HPGDS: variants seen among roughly 807,000 people sequenced by gnomAD.
HPGDS encodes the protein GST class-sigma.
A neutral mutation model predicts 23.1 loss-of-function variants in HPGDS; 26 were observed. The ratio of observed to expected loss-of-function variants is 1.13; its 90% confidence interval spans 0.83 to 1.56. HPGDS has a LOEUF of 1.56. Among genes scored for constraint, HPGDS ranks in the 40% most tolerant of loss-of-function variants. The pLI, the probability that HPGDS is intolerant of heterozygous loss-of-function variation, is 0.00. For synonymous variants in HPGDS, 95 were observed against 77.9 expected, an observed-to-expected ratio of 1.22 and a Z score of -1.16; for missense variants, 268 against 236.4, an observed-to-expected ratio of 1.13 and a Z score of -0.88.
chr4:94,311,764 G>C (rs1248165112), intron 3 of HPGDS, among the ~76,000 whole-genome samples: 1 of 151,288 alleles, frequency 6.6e-6, no homozygotes, highest in Admixed American at 6.6e-5. Flanking sequence ...AGTCCATCTG[G>C]TCCTGGACTT....
chr4:94,325,347 G>A (rs1181263078), intron 2 of HPGDS, among the ~76,000 whole-genome samples: 1 of 152,214 alleles, frequency 6.6e-6, no homozygotes, highest in Non-Finnish European at 1.5e-5. Context: ...GTCTGCAGAA[G>A]TTTCTGCTGC....
chr4:94,342,061 ATTG>A (rs1333958616), intron 1 of HPGDS, among the ~76,000 whole-genome samples: 1 of 152,208 alleles, frequency 6.6e-6, no homozygotes, highest in Non-Finnish European at 1.5e-5. Context: ...AAATAGAAGA[ATTG>A]TTGTTGACTG....
At chr4:94,323,059 G>A (rs1407410811) in intron 2 of HPGDS, among the ~76,000 whole-genome samples, 1 of 152,190 alleles carries the variant, frequency 6.6e-6, no homozygotes, top group African/African-American at 2.4e-5. Flanking sequence ...CAGTTTCCAT[G>A]TATTTGTGTG....
At chr4:94,341,557 A>G (rs1216452424) in intron 1 of HPGDS, among the ~76,000 whole-genome samples, 1 of 152,254 alleles carries the variant, frequency 6.6e-6, no homozygotes, top group Admixed American at 6.5e-5. Context: ...TGACCATTCT[A>G]CAGTTCAATA....
chr4:94,313,215 G>T (rs1183294245), intron 3 of HPGDS, among the ~76,000 whole-genome samples: 13 of 152,204 alleles, frequency 8.5e-5, no homozygotes, highest in African/African-American at 3.1e-4. Context: ...ATTAGCTGAT[G>T]CAGTTTCTTC....
intron 3 of HPGDS, among the ~76,000 whole-genome samples, chr4:94,316,833 AG>A (rs1249759452): frequency 6.6e-6 from 1 of 152,250 alleles, no homozygotes; most frequent in African/African-American, 2.4e-5. Context: ...GTGAGCATCC[AG>A]GTGACCCTGA....
At chr4:94,328,014 A>G (rs951011965) in intron 2 of HPGDS, among the ~76,000 whole-genome samples, 2 of 152,222 alleles carry the variant, frequency 1.3e-5, no homozygotes, top group Non-Finnish European at 2.9e-5. Flanking sequence ...ATGTTCTCAC[A>G]TGGACTCCAG....
chr4:94,316,714 C>T (rs1208507628), intron 3 of HPGDS, among the ~76,000 whole-genome samples: 1 of 152,222 alleles, frequency 6.6e-6, no homozygotes, highest in African/African-American at 2.4e-5. Context: ...CAGAGATTCT[C>T]AAAGTGAGAT....
At chr4:94,318,625 A>T (rs1756442504) in intron 2 of HPGDS, among the ~76,000 whole-genome samples, 1 of 152,150 alleles carries the variant, frequency 6.6e-6, no homozygotes, top group East Asian at 1.9e-4. Flanking sequence ...AAATTGATTT[A>T]AAAAAATTTA....
chr4:94,319,097 TG>T (rs1156585624), intron 2 of HPGDS, among the ~76,000 whole-genome samples: 1 of 152,188 alleles, frequency 6.6e-6, no homozygotes, highest in Non-Finnish European at 1.5e-5. Flanking sequence ...GTTGGTTTTC[TG>T]GCTAGATTAT....
intron 2 of HPGDS, among the ~76,000 whole-genome samples, chr4:94,323,928 C>T (rs1210480841): frequency 6.6e-6 from 1 of 152,154 alleles, no homozygotes; most frequent in Non-Finnish European, 1.5e-5. Flanking sequence ...TTAGTGCTTC[C>T]TTCAGGAGCT....
At chr4:94,300,809 A>T (rs1250763466) in intron 5 of HPGDS, among the ~76,000 whole-genome samples, 2 of 152,202 alleles carry the variant, frequency 1.3e-5, no homozygotes, top group Non-Finnish European at 2.9e-5. Context: ...CCCAGGCTTA[A>T]ATATAAAAAA....
chr4:94,340,295 TTC>T (rs1560597913), intron 1 of HPGDS, among the ~76,000 whole-genome samples: 6,266 of 78,592 alleles, frequency 0.08, 281 homozygotes, highest in Non-Finnish European at 0.095. Context: ...CTTTCTTTCT[TTC>T]TTTCTTTCTT....
At chr4:94,317,831 T>C (rs780214932) in intron 3 of HPGDS, 42 bp downstream of exon 3, 17 of 1,095,496 alleles carry the variant, frequency 1.6e-5, no homozygotes, top group Non-Finnish European at 2.4e-5. Flanking sequence ...ATCATGTATT[T>C]GTTTCAGTTA....
intron 2 of HPGDS, among the ~76,000 whole-genome samples, chr4:94,319,413 G>A (rs1756459785): frequency 6.6e-6 from 1 of 151,902 alleles, no homozygotes; most frequent in South Asian, 2.1e-4. Context: ...GTCTTTTCAG[G>A]TGAACAGAGT....
chr4:94,327,675 G>T (rs1026482561), intron 2 of HPGDS, among the ~76,000 whole-genome samples: 6 of 152,178 alleles, frequency 3.9e-5, no homozygotes, highest in Non-Finnish European at 8.8e-5. Flanking sequence ...AGACTCTGGA[G>T]AGTGCGTGCT....
At chr4:94,340,311 C>CTTTTTCTTT (rs1560598005) in intron 1 of HPGDS, among the ~76,000 whole-genome samples, 3 of 23,686 alleles carry the variant, frequency 1.3e-4, no homozygotes, top group African/African-American at 4.4e-4. Flanking sequence ...CTTTCTTTCT[C>CTTTTTCTTT]TTTTTTTTTT....
intron 2 of HPGDS, among the ~76,000 whole-genome samples, chr4:94,329,425 T>C (rs963502900): frequency 2.6e-5 from 4 of 152,146 alleles, no homozygotes; most frequent in Non-Finnish European, 5.9e-5. Context: ...TCCAAATTAG[T>C]GAGAGATTTG....
intron 3 of HPGDS, among the ~76,000 whole-genome samples, chr4:94,314,184 A>T (rs1198766199): frequency 1.3e-5 from 2 of 152,144 alleles, no homozygotes; most frequent in Non-Finnish European, 2.9e-5. Flanking sequence ...GCTGGTGAGG[A>T]GCTGCGTTCC....
Sources: gnomAD v4.1 joint callset for allele counts (sites outside exome capture counted in the v4.1 genomes callset) on GRCh38, gnomAD v4.1.1 for gene constraint, MANE v1.5 for transcripts, NCBI Gene and HGNC (gene_info 2026-07-23, HGNC 2026-07-21) for gene names.